The following ADAM9 variants were observed in gnomAD, a reference collection of about 807,000 sequenced individuals.
ADAM9 encodes disintegrin and metalloproteinase domain-containing protein 9.
In ADAM9, 54 loss-of-function variants were observed where a neutral mutation model predicts 108.1. That is an observed-to-expected ratio of 0.50 (90% CI 0.40 to 0.63). ADAM9 has a LOEUF of 0.63. Ranked by LOEUF, ADAM9 falls within the 20% of genes least tolerant of loss-of-function variation. The pLI, the probability that ADAM9 is intolerant of heterozygous loss-of-function variation, is 0.00. For missense variants in ADAM9, 830 were observed against 997.7 expected (o/e 0.83, Z 2.26); for synonymous variants, 316 against 336.0 (o/e 0.94, Z 0.65).
chr8:39,042,173 T>C, intron 12 of ADAM9, 56 bp downstream of exon 12: 1 of 1,598,628 alleles, frequency 6.3e-7, no homozygotes, highest in Non-Finnish European at 8.6e-7. Flanking sequence ...TTGCAAGAAA[T>C]AAAATGGCTT....
chr8:39,056,859 T>A (rs1838140278), intron 14 of ADAM9, among the ~76,000 whole-genome samples: 1 of 152,158 alleles, frequency 6.6e-6, no homozygotes, highest in Non-Finnish European at 1.5e-5. Flanking sequence ...CTGGTTTCCC[T>A]CTGTATAGTT....
chr8:39,007,197 G>C (rs1836191041), intron 1 of ADAM9, among the ~76,000 whole-genome samples: 1 of 152,098 alleles, frequency 6.6e-6, no homozygotes, highest in African/African-American at 2.4e-5. Flanking sequence ...GAGAGATGGG[G>C]GAGAGAGGCT....
Position 39,015,866 on chromosome 8 carries a change from G to A in ADAM9, c.334-252G>A, listed in dbSNP as rs1836508423. 1.1e-5 allele frequency: 5 copies of A among 455,132 alleles called. No individual in the cohort carries two copies. In the South Asian group the frequency reaches 1.4e-4, roughly 12 times the overall value. 28.2% of individuals were successfully genotyped at this position (455,132 alleles called of 1,614,324 possible). On this transcript the variant is annotated intron_variant, in intron 4 of 21. Coordinates refer to ENST00000487273, the MANE Select transcript of ADAM9 (RefSeq NM_003816.3). ...TCTGCTTCTAGGCTGAAAGGTCACTGAGGCAGAGCTGTTTGTACCTTGTAT... is the reference window on the plus strand; with the variant it reads ...TCTGCTTCTAGGCTGAAAGGTCACTAAGGCAGAGCTGTTTGTACCTTGTAT...
At chr8:39,050,433 G>T (rs1837919169) in intron 12 of ADAM9, among the ~76,000 whole-genome samples, 1 of 147,616 alleles carries the variant, frequency 6.8e-6, no homozygotes, top group Non-Finnish European at 1.5e-5. Context: ...AGTCCCTTAA[G>T]CTTTCTTCAC....
intron 14 of ADAM9, among the ~76,000 whole-genome samples, chr8:39,066,093 A>G (rs1339153227): frequency 1.3e-5 from 2 of 152,076 alleles, no homozygotes; most frequent in African/African-American, 2.4e-5. Flanking sequence ...ATCCTTTTTC[A>G]TGGCTGCATA....
intron 11 of ADAM9, among the ~76,000 whole-genome samples, chr8:39,030,698 A>G (rs943563967): frequency 3.9e-5 from 6 of 152,236 alleles, no homozygotes; most frequent in African/African-American, 1.4e-4. Flanking sequence ...TAGCTATACC[A>G]TTTTGTATTC....
chr8:39,037,822 CTTTG>C (rs925657967), intron 11 of ADAM9, among the ~76,000 whole-genome samples: 14 of 152,272 alleles, frequency 9.2e-5, no homozygotes, highest in Admixed American at 5.2e-4. Context: ...CTGCAGTCTT[CTTTG>C]TTTATCAAAT....
intron 15 of ADAM9, among the ~76,000 whole-genome samples, chr8:39,071,636 T>G (rs1838697731): frequency 6.6e-6 from 1 of 152,050 alleles, no homozygotes; most frequent in Non-Finnish European, 1.5e-5. Flanking sequence ...CCAGCTAATT[T>G]TTTGTATTTT....
At position 39,021,722 on chromosome 8, in the gene ADAM9, G is replaced by A. The variant is rs771403130; in HGVS notation, c.744+8G>A. On this transcript the variant is annotated splice_region_variant and intron_variant, in intron 8 of 21. Coordinates refer to ENST00000487273, the MANE Select transcript of ADAM9 (RefSeq NM_003816.3). ...GCAAACTACTTGGATAGTGTAAGTT[G>A]TATTTTCTATCAACCAGGATGATTC... 1 of 1,607,168 alleles carries A rather than the reference G, an allele frequency of 6.2e-7. No homozygotes were observed. Among genetic ancestry groups the A allele is most frequent in the African/African-American group, 1.3e-5 (1 of 74,730 alleles).
intron 8 of ADAM9, among the ~76,000 whole-genome samples, chr8:39,022,275 T>C (rs1050068853): frequency 3.9e-5 from 6 of 152,188 alleles, no homozygotes; most frequent in African/African-American, 1.4e-4. Context: ...GTACTTACAG[T>C]GTGCTAGACA....
chr8:39,083,189 C>T, intron 18 of ADAM9, 116 bp downstream of exon 18: 1 of 782,384 alleles, frequency 1.3e-6, no homozygotes, highest in Non-Finnish European at 2.2e-6. Context: ...TATGTTGATT[C>T]AGCCTCCTAA....
At chr8:39,024,767 A>T (rs1044937251) in intron 9 of ADAM9, among the ~76,000 whole-genome samples, 2 of 152,190 alleles carry the variant, frequency 1.3e-5, no homozygotes, top group African/African-American at 4.8e-5. Context: ...TTGGCTATAC[A>T]TGTGATAAAT....
intron 4 of ADAM9, chr8:39,015,889 T>G (rs1006139806): frequency 3.8e-6 from 2 of 521,998 alleles, no homozygotes; most frequent in Non-Finnish European, 6.9e-6. Context: ...TTGTACCTTG[T>G]ATCCCCTGGA....
At chr8:39,089,987 T>C in intron 18 of ADAM9, 60 bp from the exon 19 acceptor site, 1 of 1,484,384 alleles carries the variant, frequency 6.7e-7, no homozygotes, top group Non-Finnish European at 9.4e-7. Flanking sequence ...TTTATAATCA[T>C]CTAGTATTTT....
intron 12 of ADAM9, among the ~76,000 whole-genome samples, chr8:39,049,275 G>A (rs536523314): frequency 9.9e-5 from 15 of 151,558 alleles, no homozygotes; most frequent in Non-Finnish European, 1.9e-4. Flanking sequence ...ACCTTAGAGC[G>A]TGCATAAAAT....
intron 12 of ADAM9, among the ~76,000 whole-genome samples, chr8:39,045,473 C>CACACCTATATGTGCGTGTGTGT (rs1554579243): frequency 0.014 from 1,318 of 92,314 alleles, 8 homozygotes; most frequent in Non-Finnish European, 0.025. Context: ...CGTGTGTGTA[C>CACACCTATATGTGCGTGTGTGT]ACACACCTAT....
chr8:39,025,483 C>T (rs1836891396), intron 9 of ADAM9, among the ~76,000 whole-genome samples: 1 of 152,126 alleles, frequency 6.6e-6, no homozygotes, highest in Non-Finnish European at 1.5e-5. Context: ...TGTCTCTCCT[C>T]ACTAAAATGT....
chr8:38,997,092 G>A lies in ADAM9; in HGVS notation c.29G>A (p.Gly10Glu), dbSNP rs764821640. Residue 10 changes from glycine (G) to glutamate (E), a missense_variant, in exon 1 of 22, where the codon GGG (glycine) becomes GAG (glutamate). Gly to Glu is a moderately conservative substitution (Grantham distance 98). Transcript: ENST00000487273. MGSGARFPS[G>E]TLRVRWLLLL... The stretch of plus-strand genomic sequence containing the variant: ...GGGTCTGGCGCGCGCTTTCCCTCGG[G>A]GACCCTTCGTGTCCGGTGGTTGCTG... The A allele has an allele frequency of 1.2e-5, 20 of 1,607,282 alleles. No homozygotes were observed. The Admixed American group carries it at 3.0e-4, about 24-fold the overall frequency.
chr8:39,000,914 A>G (rs1403994869), intron 1 of ADAM9, among the ~76,000 whole-genome samples: 1 of 152,214 alleles, frequency 6.6e-6, no homozygotes, highest in East Asian at 1.9e-4. Context: ...AGAAAATGAT[A>G]TCACCCCCAG....
Sources: allele counts gnomAD v4.1 joint callset (sites outside exome capture counted in the v4.1 genomes callset), GRCh38; gene constraint gnomAD v4.1.1; transcripts MANE v1.5; gene names NCBI Gene and HGNC (gene_info 2026-07-23, HGNC 2026-07-21).